The following UGT1A9 variants were observed in gnomAD, a reference collection of about 807,000 sequenced individuals.
UGT1A9 encodes the protein UDP glucuronosyltransferase family 1 member A9, also known as UDP-glucuronosyltransferase 1A9.
A neutral mutation model predicts 45.0 loss-of-function variants in UGT1A9; 35 were observed. The observed-to-expected ratio is 0.78, with a 90% CI of 0.59 to 1.03. The LOEUF (loss-of-function observed/expected upper bound fraction) is 1.03, where lower values mean the gene tolerates loss of function less well. Among genes scored for constraint, UGT1A9 ranks in the 50% least tolerant of loss-of-function variants. The probability of loss-of-function intolerance (pLI) is 0.00; values close to 1 mark genes in which losing one functional copy is unlikely to be tolerated. For synonymous variants in UGT1A9, 278 were observed against 250.6 expected, an observed-to-expected ratio of 1.11 and a Z score of -1.03; for missense variants, 687 against 666.6, an observed-to-expected ratio of 1.03 and a Z score of -0.34.
chr2:233,729,160 C>G, intron 1 of UGT1A9: 5 of 1,613,564 alleles, frequency 3.1e-6, no homozygotes, highest in Non-Finnish European at 4.2e-6. Context: ...CCTGCCGTGG[C>G]TGGCCACAGG....
intron 1 of UGT1A9, among the ~76,000 whole-genome samples, chr2:233,709,487 T>G (rs1422888442): frequency 6.6e-6 from 1 of 152,212 alleles, no homozygotes; most frequent in Non-Finnish European, 1.5e-5. Flanking sequence ...TATTTAGTAT[T>G]TGAAGTCTCT....
chr2:233,747,699 A>G lies in UGT1A9; in HGVS notation c.856-19335A>G. 2.5e-6 allele frequency: 4 copies of G among 1,611,746 alleles called. No individual in the cohort carries two copies. In the South Asian group the frequency reaches 3.3e-5, roughly 13 times the overall value. On this transcript the variant is annotated intron_variant, in intron 1 of 4. Coordinates refer to ENST00000354728, the MANE Select transcript of UGT1A9 (RefSeq NM_021027.3). ...TTACCTCTGTGGGGCAGTGCTGGCT[A>G]AGTACCTATCAATTCCTGCTGTGTT...
Position 233,757,543 on chromosome 2 carries a change from T to TACATATAC in UGT1A9, c.856-9490_856-9489insCATATACA, listed in dbSNP as rs1320189051. ...AAATCTTGCCTGTAAGGAATATATA[T>TACATATAC]ATATATATATATATATATGTATATA... On this transcript the variant is annotated intron_variant, in intron 1 of 4. Transcript: ENST00000354728. Among the ~76,000 whole-genome samples, 305 of 117,198 alleles carry TACATATAC rather than the reference T, an allele frequency of 2.6e-3. 10 individuals are homozygous for TACATATAC. The highest frequency in any genetic ancestry group is 3.4e-3 in the Non-Finnish European group (191 of 55,852). The allele number at this position is 117,198 out of a possible 152,430, so 76.9% of individuals were successfully genotyped here.
intron 1 of UGT1A9, among the ~76,000 whole-genome samples, chr2:233,762,131 A>T (rs1026156979): frequency 6.6e-6 from 1 of 152,036 alleles, no homozygotes; most frequent in East Asian, 1.9e-4. Context: ...CCATGTGGGG[A>T]CCTGTGTGAC....
Position 233,760,648 on chromosome 2 carries a change from G to C in UGT1A9, c.856-6386G>C, listed in dbSNP as rs1697515818. The C allele has an allele frequency of 6.2e-7, 1 of 1,614,206 alleles. No homozygotes were observed. Among genetic ancestry groups the C allele is most frequent in the African/African-American group, 1.3e-5 (1 of 75,044 alleles). On this transcript the variant is annotated intron_variant, in intron 1 of 4. Coordinates refer to ENST00000354728, the MANE Select transcript of UGT1A9 (RefSeq NM_021027.3). ...ATACAAGAAAATAAAAAAGGACTCT[G>C]CTATGCTTTTGTCTGGCTGTTCCCA...
intron 1 of UGT1A9, chr2:233,754,561 A>G (rs1695515427): frequency 2.5e-6 from 1 of 393,304 alleles, no homozygotes; most frequent in Non-Finnish European, 5.1e-6. Context: ...GTCAATGGGG[A>G]GCAACTGCTC....
intron 1 of UGT1A9, among the ~76,000 whole-genome samples, chr2:233,696,067 T>A (rs1181513813): frequency 6.6e-6 from 1 of 152,174 alleles, no homozygotes; most frequent in Non-Finnish European, 1.5e-5. Flanking sequence ...GTACAGCCAC[T>A]ATGAAGAACA....
At chr2:233,677,255 T>A (rs2074385257) in intron 1 of UGT1A9, among the ~76,000 whole-genome samples, 1 of 152,208 alleles carries the variant, frequency 6.6e-6, no homozygotes, top group African/African-American at 2.4e-5. Flanking sequence ...GTCAGATATA[T>A]CCCTAAGTAT....
intron 1 of UGT1A9, among the ~76,000 whole-genome samples, chr2:233,762,621 C>T (rs1374321731): frequency 6.6e-6 from 1 of 152,118 alleles, no homozygotes; most frequent in Non-Finnish European, 1.5e-5. Context: ...TTGTTGTGAC[C>T]TCAAACACTT....
intron 1 of UGT1A9, among the ~76,000 whole-genome samples, chr2:233,698,183 T>C (rs2075430148): frequency 6.6e-6 from 1 of 152,224 alleles, no homozygotes; most frequent in African/African-American, 2.4e-5. Context: ...TGTATTATGA[T>C]ATGTAATTAT....
chr2:233,697,789 C>T (rs865908903), intron 1 of UGT1A9, among the ~76,000 whole-genome samples: 1 of 152,014 alleles, frequency 6.6e-6, no homozygotes, highest in South Asian at 2.1e-4. Flanking sequence ...TCATTCGTTT[C>T]AAGTAATTTT....
chr2:233,760,574 G>A lies in UGT1A9; in HGVS notation c.856-6460G>A, dbSNP rs1287104845. On this transcript the variant is annotated intron_variant, in intron 1 of 4. Coordinates refer to ENST00000354728, the MANE Select transcript of UGT1A9 (RefSeq NM_021027.3). ...GTGAAAGAGTCTTTTGTTAGTCTCG[G>A]GCATAATGTTTTTGAGAATGATTCT... The A allele has an allele frequency of 6.2e-7, 1 of 1,614,190 alleles. No individual in the cohort carries two copies. The highest frequency in any genetic ancestry group is 1.3e-5 in the African/African-American group (1 of 75,038).
chr2:233,731,432 C>T (rs2078159298), intron 1 of UGT1A9, among the ~76,000 whole-genome samples: 1 of 152,116 alleles, frequency 6.6e-6, no homozygotes, highest in Non-Finnish European at 1.5e-5. Flanking sequence ...CCATCCCTCC[C>T]CCAGTCCCCC....
chr2:233,760,266 C>G (rs778145749), intron 1 of UGT1A9: 1 of 1,612,006 alleles, frequency 6.2e-7, no homozygotes. Flanking sequence ...GAGGGCGAAC[C>G]TCTGGCAGGA....
Position 233,719,416 on chromosome 2 carries a change from C to T in UGT1A9, c.855+46627C>T, listed in dbSNP as rs538242607. ...TCCTCCTATATTCCTAAGTTACTAA[C>T]GACCAATTCAGACCACATGACATTC... is the stretch of plus-strand genomic sequence containing the variant. On this transcript the variant is annotated intron_variant, in intron 1 of 4. Coordinates refer to ENST00000354728, the MANE Select transcript of UGT1A9 (RefSeq NM_021027.3). The T allele has an allele frequency of 6.1e-5, 98 of 1,613,984 alleles. 1 individual carries two copies. The Admixed American group carries it at 9.0e-4, about 15-fold the overall frequency.
rs957402531 is a variant in UGT1A9 at position 233,678,133 on chromosome 2, A to G, written c.855+5344A>G. Reference sequence around the variant, plus strand: ...CTAAATAGTGGGTACTTTTGGGCATAAAGATGGCAACAATAGACACTATGG... The same window carrying G: ...CTAAATAGTGGGTACTTTTGGGCATGAAGATGGCAACAATAGACACTATGG... On this transcript the variant is annotated intron_variant, in intron 1 of 4. Coordinates refer to ENST00000354728, the MANE Select transcript of UGT1A9 (RefSeq NM_021027.3). 1.4e-4 allele frequency among the ~76,000 whole-genome samples: 21 copies of G among 152,214 alleles called. 1 individual carries two copies. Among genetic ancestry groups the G allele is most frequent in the Admixed American group, 1.3e-4 (2 of 15,280 alleles).
rs755218546 is a variant in UGT1A9 at position 233,767,936 on chromosome 2, G to A, written c.1075G>A (p.Gly359Ser). The A allele has an allele frequency of 2.4e-5, 38 of 1,614,052 alleles. No homozygotes were observed. In the South Asian group the frequency reaches 4.2e-4, roughly 18 times the overall value. Residue 359 changes from glycine (G) to serine (S), a missense_variant and splice_region_variant, in exon 3 of 5, where the codon GGT becomes AGT. Coordinates refer to ENST00000354728, the MANE Select transcript of UGT1A9 (RefSeq NM_021027.3). ...GTGGCTACCCCAAAACGATCTGCTT[G>A]GTATGTTGGGCGGATTGGATGTATA... ...VKWLPQNDLL[G>S]HPMTRAFITH...
chr2:233,686,250 T>G (rs1345556884), intron 1 of UGT1A9, among the ~76,000 whole-genome samples: 1 of 125,722 alleles, frequency 8.0e-6, no homozygotes, highest in Admixed American at 7.5e-5. Flanking sequence ...GTTTCTGAGA[T>G]TTTTTTTTTT....
intron 1 of UGT1A9, chr2:233,760,991 C>T (rs1247729976): frequency 1.2e-6 from 2 of 1,614,072 alleles, no homozygotes; most frequent in Non-Finnish European, 1.7e-6. Flanking sequence ...ACCCTTGCCT[C>T]AGAATTCCTT....
Sources: gnomAD v4.1 joint callset for allele counts (sites outside exome capture counted in the v4.1 genomes callset) on GRCh38, gnomAD v4.1.1 for gene constraint, MANE v1.5 for transcripts, NCBI Gene and HGNC (gene_info 2026-07-23, HGNC 2026-07-21) for gene names.